Variants in DCLK1 observed in about 807,000 individuals in gnomAD.
The protein encoded by DCLK1 is doublecortin like kinase 1, also known as serine/threonine-protein kinase DCLK1.
Under a neutral mutation model 86.2 loss-of-function variants are expected in DCLK1, and 16 were observed. That is an observed-to-expected ratio of 0.19 (90% CI 0.13 to 0.28). DCLK1 has a LOEUF of 0.28. Among genes scored for constraint, DCLK1 ranks in the 10% least tolerant of loss-of-function variants. The probability of loss-of-function intolerance (pLI) is 1.00; values close to 1 mark genes in which losing one functional copy is unlikely to be tolerated. For missense variants in DCLK1, 590 were observed against 940.2 expected (o/e 0.63, Z 4.87); for synonymous variants, 369 against 370.5 (o/e 1.00, Z 0.05).
At chr13:36,102,718 G>A (rs934011936) in intron 3 of DCLK1, among the ~76,000 whole-genome samples, 1 of 152,150 alleles carries the variant, frequency 6.6e-6, no homozygotes, top group Non-Finnish European at 1.5e-5. Flanking sequence ...TTTCTAAGAG[G>A]ATTCTAGACA....
intron 3 of DCLK1, among the ~76,000 whole-genome samples, chr13:35,963,982 A>G (rs1878595889): frequency 6.6e-6 from 1 of 152,228 alleles, no homozygotes; most frequent in Non-Finnish European, 1.5e-5. Context: ...AATTTGAGAA[A>G]AGCAATTTCT....
chr13:35,968,907 G>A (rs1327967006), intron 3 of DCLK1, among the ~76,000 whole-genome samples: 13 of 152,164 alleles, frequency 8.5e-5, no homozygotes, highest in Admixed American at 8.5e-4. Flanking sequence ...CCCAACCCAT[G>A]GCATTCTCCC....
chr13:35,776,669 G>C (rs1308426572), intron 16 of DCLK1, among the ~76,000 whole-genome samples: 1 of 152,166 alleles, frequency 6.6e-6, no homozygotes, highest in African/African-American at 2.4e-5. Context: ...AGAAATGTAA[G>C]GTGTTCTTTT....
At chr13:35,804,184 G>A (rs912052438) in intron 15 of DCLK1, among the ~76,000 whole-genome samples, 15 of 152,144 alleles carry the variant, frequency 9.9e-5, no homozygotes, top group Non-Finnish European at 1.5e-4. Context: ...AGGCTGGAGT[G>A]CAGTGGTGCA....
In DCLK1 at chr13:36,081,688, A is replaced by G. The variant is rs141491448; in HGVS notation, c.723+30181T>C. ...GCACTCAACCCCAGCACACATGCGC[A>G]TGAAGGTCTCACAACTTATAAAGGA... On this transcript the variant is annotated intron_variant, in intron 3 of 16. Transcript: ENST00000360631. Among the ~76,000 whole-genome samples, 68 of 152,306 alleles carry G rather than the reference A, an allele frequency of 4.5e-4. No individual in the cohort carries two copies. In the East Asian group the frequency reaches 0.013, roughly 29 times the overall value.
intron 3 of DCLK1, among the ~76,000 whole-genome samples, chr13:35,988,404 G>A (rs990935707): frequency 6.6e-6 from 1 of 152,214 alleles, no homozygotes; most frequent in Non-Finnish European, 1.5e-5. Flanking sequence ...CCCTCCCCCT[G>A]TGATGCAAGA....
rs1290788352 is a variant in DCLK1, at chr13:36,103,904, C to A, written c.723+7965G>T. On this transcript the variant is annotated intron_variant, in intron 3 of 16. Transcript: ENST00000360631. ...CTCTTTATTCACTGGATGGCTAAGG[C>A]AATGTCAGGAAGGTTTACAGCAATT... Among the ~76,000 whole-genome samples the A allele has an allele frequency of 2.6e-5, 4 of 152,328 alleles. No homozygotes were observed. The East Asian group carries it at 7.7e-4, about 29-fold the overall frequency.
At chr13:36,020,324 TAA>T (rs535105317) in intron 3 of DCLK1, among the ~76,000 whole-genome samples, 1 of 152,152 alleles carries the variant, frequency 6.6e-6, no homozygotes, top group African/African-American at 2.4e-5. Context: ...GTCATTGAGT[TAA>T]AAAAATATAT....
intron 8 of DCLK1, among the ~76,000 whole-genome samples, chr13:35,831,226 A>G (rs1868934905): frequency 6.6e-6 from 1 of 152,112 alleles, no homozygotes. Flanking sequence ...CACCAAATTA[A>G]TGTTGCATCT....
intron 15 of DCLK1, among the ~76,000 whole-genome samples, chr13:35,793,816 C>T (rs2086751987): frequency 6.6e-6 from 1 of 152,074 alleles, no homozygotes; most frequent in African/African-American, 2.4e-5. Context: ...ATCTAGATGA[C>T]CAGAAAAAAA....
chr13:36,045,320 G>T (rs796137722), intron 3 of DCLK1, among the ~76,000 whole-genome samples: 1 of 51,874 alleles, frequency 1.9e-5, no homozygotes, highest in African/African-American at 8.6e-5. Context: ...GTCTATATAT[G>T]TGTGTGTGTG....
chr13:36,074,688 C>T (rs1884118854), intron 3 of DCLK1, among the ~76,000 whole-genome samples: 1 of 152,028 alleles, frequency 6.6e-6, no homozygotes, highest in Non-Finnish European at 1.5e-5. Flanking sequence ...TTGGTAACTG[C>T]CAGGAGAATA....
chr13:35,814,217 T>TA (rs1376751701), intron 11 of DCLK1, among the ~76,000 whole-genome samples: 1 of 152,130 alleles, frequency 6.6e-6, no homozygotes, highest in East Asian at 1.9e-4. Context: ...AAACGTTTGT[T>TA]AAAAATTCAC....
intron 3 of DCLK1, among the ~76,000 whole-genome samples, chr13:35,995,643 T>C (rs1215998638): frequency 2.0e-5 from 3 of 152,208 alleles, no homozygotes; most frequent in Non-Finnish European, 4.4e-5. Flanking sequence ...TCTTCCCAAC[T>C]CATTAGAATA....
At chr13:35,877,388 C>T (rs1872650006) in intron 4 of DCLK1, among the ~76,000 whole-genome samples, 1 of 152,140 alleles carries the variant, frequency 6.6e-6, no homozygotes, top group African/African-American at 2.4e-5. Context: ...GAAACGGTTG[C>T]AGAATTCCAC....
chr13:35,904,838 C>T (rs1874592911), intron 4 of DCLK1, among the ~76,000 whole-genome samples: 2 of 152,200 alleles, frequency 1.3e-5, no homozygotes, highest in South Asian at 4.1e-4. Context: ...GGCATTTTGG[C>T]TTTTTGCCCT....
chr13:36,110,997 A>AT (rs897133655), intron 3 of DCLK1, among the ~76,000 whole-genome samples: 46 of 146,434 alleles, frequency 3.1e-4, no homozygotes, highest in Middle Eastern at 7.0e-3. Flanking sequence ...CACCCAGGTA[A>AT]TTTTTTTTTT....
chr13:35,917,580 C>T (rs1019681136), intron 4 of DCLK1, among the ~76,000 whole-genome samples: 2 of 152,152 alleles, frequency 1.3e-5, no homozygotes, highest in South Asian at 4.1e-4. Flanking sequence ...AAAGAGAAAG[C>T]ATGCCAAGCC....
At chr13:35,850,432 T>C (rs1870525312) in intron 6 of DCLK1, 2 of 1,083,126 alleles carry the variant, frequency 1.8e-6, no homozygotes, top group East Asian at 6.0e-5. Flanking sequence ...CAATATTGGG[T>C]CCGTGTATGA....
Sources: gnomAD v4.1 joint callset for allele counts (sites outside exome capture counted in the v4.1 genomes callset) on GRCh38, gnomAD v4.1.1 for gene constraint, MANE v1.5 for transcripts, NCBI Gene and HGNC (gene_info 2026-07-23, HGNC 2026-07-21) for gene names.